The following DDA1 variants were observed in gnomAD, a reference collection of about 807,000 sequenced individuals.
DDA1 encodes the protein DET1 and DDB1 associated 1, also known as DET1- and DDB1-associated protein 1.
A neutral mutation model predicts 18.6 loss-of-function variants in DDA1; 3 were observed. The observed-to-expected ratio is 0.16, with a 90% CI of 0.07 to 0.42. DDA1 has a LOEUF of 0.42. DDA1 is among the 10% of genes least tolerant of loss of function. DDA1 has a pLI of 0.99. For synonymous variants in DDA1, 52 were observed against 54.0 expected, an observed-to-expected ratio of 0.96 and a Z score of 0.17; for missense variants, 105 against 138.2, an observed-to-expected ratio of 0.76 and a Z score of 1.20.
At position 17,315,429 on chromosome 19, in the gene DDA1, C is replaced by CATATATATATATATATATATATAT. The variant is rs56662339; in HGVS notation, c.137-502_137-479dup. Among the ~76,000 whole-genome samples, 165 of 51,966 alleles carry CATATATATATATATATATATATAT rather than the reference C, an allele frequency of 3.2e-3. 8 individuals carry two copies. Among genetic ancestry groups the CATATATATATATATATATATATAT allele is most frequent in the African/African-American group, 4.1e-3 (53 of 13,012 alleles). The allele number at this position is 51,966 out of a possible 152,430, so 34.1% of individuals were successfully genotyped here. A position where few individuals can be genotyped will look rare whatever the true frequency, so the allele number is the denominator to read the frequency against. ...ACATACGTGTGTGTGTGTGTGTGTG[C>CATATATATATATATATATATATAT]ATATATATATATATATATATATATA... On this transcript the variant is annotated intron_variant, in intron 3 of 4. Coordinates refer to ENST00000359866, the MANE Select transcript of DDA1 (RefSeq NM_024050.6).
At chr19:17,310,710 G>A (rs947603402) in intron 1 of DDA1, among the ~76,000 whole-genome samples, 6 of 152,198 alleles carry the variant, frequency 3.9e-5, no homozygotes, top group African/African-American at 1.4e-4. Context: ...GGTTCCTAGT[G>A]TGCGGGTCCC....
Position 17,313,433 on chromosome 19 carries a change from CTTTTTTTTTT to C in DDA1, c.4-572_4-563del, listed in dbSNP as rs57148595. ...ACTCACAGGGTTGGATTGAAAATGG[CTTTTTTTTTT>C]TTTTTTTTTTTTTTTTTGAGACAGA... On this transcript the variant is annotated intron_variant, in intron 1 of 4. Coordinates refer to ENST00000359866, the MANE Select transcript of DDA1 (RefSeq NM_024050.6). 7.6e-4 allele frequency among the ~76,000 whole-genome samples: 63 copies of C among 82,548 alleles called. No homozygotes were observed. The East Asian group carries it at 0.018, about 23-fold the overall frequency. 54.2% of individuals were successfully genotyped at this position (82,548 alleles called of 152,430 possible).
intron 1 of DDA1, chr19:17,310,367 T>C (rs962354011): frequency 6.6e-6 from 1 of 152,222 alleles, no homozygotes; most frequent in African/African-American, 2.4e-5. Flanking sequence ...CCCCTCATTA[T>C]GAAGTGTGGA....
At chr19:17,318,572 G>A (rs1457609668) in intron 4 of DDA1, among the ~76,000 whole-genome samples, 5 of 151,640 alleles carry the variant, frequency 3.3e-5, no homozygotes, top group Admixed American at 3.3e-4. Flanking sequence ...TCTCCATGTT[G>A]GCCAGGCTAG....
At chr19:17,315,208 TGTATATACACACACGTGTATAC>T (rs1568353764) in intron 3 of DDA1, among the ~76,000 whole-genome samples, 801 of 22,976 alleles carry the variant, frequency 0.035, 293 homozygotes, top group African/African-American at 0.14. Flanking sequence ...TATACACACG[TGTATATACACACACGTGTATAC>T]ACACACACGT....
rs531787341 is a variant in DDA1 at position 17,314,454 on chromosome 19, G to A, written c.136+65G>A. ...AGGGGCGGGGTTTGGTGACTGCAGC[G>A]TGGCACGCGGAGGTTATCTTCAACC... On this transcript the variant is annotated intron_variant, in intron 3 of 4. Coordinates refer to ENST00000359866, the MANE Select transcript of DDA1 (RefSeq NM_024050.6). This position sits in a 1 kb window ranked among gnomAD's most constrained non-coding sequence, Gnocchi z 4.6. The A allele has an allele frequency of 4.1e-5, 66 of 1,600,096 alleles. No homozygotes were observed. The African/African-American group carries it at 4.5e-4, about 11-fold the overall frequency.
At chr19:17,315,165 G>A (rs62126259) in intron 3 of DDA1, among the ~76,000 whole-genome samples, 3,562 of 30,238 alleles carry the variant, frequency 0.12, 935 homozygotes, top group Non-Finnish European at 0.15. Flanking sequence ...ATATACACAC[G>A]TGTATATACA....
chr19:17,316,303 C>T (rs942192925), intron 4 of DDA1, among the ~76,000 whole-genome samples: 2 of 152,170 alleles, frequency 1.3e-5, no homozygotes, highest in African/African-American at 4.8e-5. Context: ...TTTCTGAGGC[C>T]GAGTGTGGTG....
chr19:17,319,445 A>G (rs941741043), intron 4 of DDA1, 101 bp from the exon 5 acceptor site: 17 of 933,290 alleles, frequency 1.8e-5, no homozygotes, highest in Middle Eastern at 5.1e-4. Flanking sequence ...CTGTAGTCCT[A>G]GCTACTCCAG....
chr19:17,315,227 ATACACACACACGTG>A (rs1568353820), intron 3 of DDA1, among the ~76,000 whole-genome samples: 483 of 38,234 alleles, frequency 0.013, 62 homozygotes, highest in Non-Finnish European at 0.019. Flanking sequence ...ACACACGTGT[ATACACACACACGTG>A]TATATACACA....
In DDA1 at chr19:17,309,576, G is replaced by T. The variant is rs1788101880; in HGVS notation, c.-79G>T. ...TGCCGTGGCTGGAAGTTACTGTGAG[G>T]CGGCGGCTAAGAAGGCGGCTCTGGT... On this transcript the variant is annotated 5_prime_UTR_variant, in exon 1 of 5. Transcript: ENST00000359866. 7 of 1,452,628 alleles carry T rather than the reference G, an allele frequency of 4.8e-6. No individual in the cohort carries two copies. In the Admixed American group the frequency reaches 5.1e-5, roughly 11 times the overall value. The allele number at this position is 1,452,628 out of a possible 1,614,324, so 90.0% of individuals were successfully genotyped here. A position where few individuals can be genotyped will look rare whatever the true frequency, so the allele number is the denominator to read the frequency against.
chr19:17,314,369 G>T lies in DDA1; in HGVS notation c.116G>T (p.Arg39Leu). ...NRRPSVYLPT[R>L]EYPSEQIIVT... is the part of the protein sequence containing the mutation. ...CGGCCCTCAGTCTACCTGCCTACCCGCGAGTACCCGTCTGAACAGAGTAAG... is the reference window on the plus strand; with the variant it reads ...CGGCCCTCAGTCTACCTGCCTACCCTCGAGTACCCGTCTGAACAGAGTAAG... The change falls in exon 3 of 5, where the codon CGC becomes CTC. Residue 39 changes from arginine (R) to leucine (L), a missense_variant. Arg to Leu is a moderately radical substitution (Grantham distance 102). Transcript: ENST00000359866. This position sits in a 1 kb window ranked among gnomAD's most constrained non-coding sequence, Gnocchi z 4.6. 1.9e-6 allele frequency: 3 copies of T among 1,614,198 alleles called. No individual in the cohort carries two copies. The highest frequency in any genetic ancestry group is 2.5e-6 in the Non-Finnish European group (3 of 1,180,036).
chr19:17,317,782 T>G (rs928019583), intron 4 of DDA1, among the ~76,000 whole-genome samples: 1 of 149,514 alleles, frequency 6.7e-6, no homozygotes, highest in Non-Finnish European at 1.5e-5. Flanking sequence ...GAGGCTGCAG[T>G]GAATCATGAT....
In DDA1 at chr19:17,314,416, A is replaced by G; in HGVS notation, c.136+27A>G. 1 of 1,614,166 alleles carries G rather than the reference A, an allele frequency of 6.2e-7. No individual in the cohort carries two copies. Among genetic ancestry groups the G allele is most frequent in the Admixed American group, 1.7e-5 (1 of 60,016 alleles). On this transcript the variant is annotated intron_variant, in intron 3 of 4. Coordinates refer to ENST00000359866, the MANE Select transcript of DDA1 (RefSeq NM_024050.6). This position sits in a 1 kb window ranked among gnomAD's most constrained non-coding sequence, Gnocchi z 4.6. The stretch of plus-strand genomic sequence containing the variant: ...TAAGTGGCCGCTGTCAGTCTGTCCC[A>G]TTCTGGCTGCTGAGGGGCGGGGTTT...
At chr19:17,317,832 C>G (rs1183100378) in intron 4 of DDA1, among the ~76,000 whole-genome samples, 2 of 127,364 alleles carry the variant, frequency 1.6e-5, no homozygotes, top group East Asian at 3.9e-4. Context: ...GAACCAGACT[C>G]TGTCTCTAGA....
intron 4 of DDA1, among the ~76,000 whole-genome samples, chr19:17,317,495 C>T (rs2074219351): frequency 2.0e-5 from 3 of 151,692 alleles, no homozygotes; most frequent in South Asian, 2.1e-4. Flanking sequence ...CCAGCCTGGG[C>T]GACAGAGCTA....
Position 17,314,883 on chromosome 19 carries a change from C to G in DDA1, c.136+494C>G, listed in dbSNP as rs895366363. Among the ~76,000 whole-genome samples, 2 of 151,872 alleles carry G rather than the reference C, an allele frequency of 1.3e-5. No homozygotes were observed. Among genetic ancestry groups the G allele is most frequent in the African/African-American group, 4.8e-5 (2 of 41,324 alleles). ...TGGGTGGCAGTGATGGGAAGGGGGTCCAGGCAAAGGGGCCCACAGCACAGG... is the reference window on the plus strand; with the variant it reads ...TGGGTGGCAGTGATGGGAAGGGGGTGCAGGCAAAGGGGCCCACAGCACAGG... On this transcript the variant is annotated intron_variant, in intron 3 of 4. Coordinates refer to ENST00000359866, the MANE Select transcript of DDA1 (RefSeq NM_024050.6). The surrounding 1 kb of genome is among the most constrained non-coding windows in gnomAD (Gnocchi z 4.6).
In DDA1 at chr19:17,321,833, CT is replaced by C. The variant is rs1241919523; in HGVS notation, c.*2178del. 2.6e-5 allele frequency: 4 copies of C among 152,588 alleles called. No individual in the cohort carries two copies. The highest frequency in any genetic ancestry group is 9.6e-5 in the African/African-American group (4 of 41,482). The allele number at this position is 152,588 out of a possible 1,614,324, so 9.5% of individuals were successfully genotyped here. On this transcript the variant is annotated 3_prime_UTR_variant, in exon 5 of 5. Transcript: ENST00000359866. ...TGTACCTCCCAGCTCCCGGCAGTGT[CT>C]ACACCACAGTGATGGTGCTACAGGG...
chr19:17,317,628 G>A (rs2074219959), intron 4 of DDA1, among the ~76,000 whole-genome samples: 1 of 144,510 alleles, frequency 6.9e-6, no homozygotes, highest in South Asian at 2.2e-4. Flanking sequence ...GAGGCCAGGA[G>A]TTTGAGACCA....
Sources: allele counts gnomAD v4.1 joint callset (sites outside exome capture counted in the v4.1 genomes callset), GRCh38; gene constraint gnomAD v4.1.1; non-coding constraint Gnocchi (gnomAD v3.1); transcripts MANE v1.5; gene names NCBI Gene and HGNC (gene_info 2026-07-23, HGNC 2026-07-21).